Variants in TLK2 observed in about 807,000 individuals in gnomAD.
TLK2 encodes the protein serine/threonine-protein kinase tousled-like 2.
Under a neutral mutation model 117.3 loss-of-function variants are expected in TLK2, and 6 were observed. That is an observed-to-expected ratio of 0.05 (90% CI 0.03 to 0.10). The LOEUF is 0.10. Among genes scored for constraint, TLK2 ranks in the 10% least tolerant of loss-of-function variants. The pLI is 1.00. For missense variants in TLK2, 299 were observed against 901.2 expected (o/e 0.33, Z 8.56); for synonymous variants, 257 against 316.7 (o/e 0.81, Z 2.00).
intron 12 of TLK2, among the ~76,000 whole-genome samples, chr17:62,576,293 CTT>C (rs1204395804): frequency 2.0e-5 from 3 of 152,182 alleles, no homozygotes; most frequent in African/African-American, 7.2e-5. Context: ...ATATCTTTCT[CTT>C]TGTTATTACA....
At chr17:62,521,802 CT>C in intron 3 of TLK2, among the ~76,000 whole-genome samples, 1 of 152,120 alleles carries the variant, frequency 6.6e-6, no homozygotes, top group East Asian at 1.9e-4. Context: ...CTGTAGCCAC[CT>C]ACTTTGTACT....
rs9890649 is a variant in TLK2, at chr17:62,506,405, G to A, written c.82-14368G>A. Among the ~76,000 whole-genome samples the A allele has an allele frequency of 9.1e-3, 1,391 of 152,282 alleles. 11 individuals carry two copies. Among genetic ancestry groups the A allele is most frequent in the African/African-American group, 0.032 (1,310 of 41,560 alleles). On this transcript the variant is annotated intron_variant, in intron 2 of 21. Transcript: ENST00000346027. ...CTTTATAGTAAACTTGTTAACGCTT[G>A]TGCCACAGTCAAGAACCAGAACTGG...
chr17:62,519,060 T>A (rs1412074557), intron 2 of TLK2, among the ~76,000 whole-genome samples: 1 of 152,082 alleles, frequency 6.6e-6, no homozygotes, highest in Non-Finnish European at 1.5e-5. Context: ...ATTTTTTGTA[T>A]TTTTGGTAGA....
At chr17:62,549,446 CATTGTAAAAGGAGAGG>C (rs2078264062) in intron 7 of TLK2, among the ~76,000 whole-genome samples, 1 of 65,342 alleles carries the variant, frequency 1.5e-5, no homozygotes, top group African/African-American at 4.9e-5. Flanking sequence ...AATAGAAACA[CATTGTAAAAGGAGAGG>C]ATTGTAAAAG....
chr17:62,606,898 GGTA>G (rs1279289455), intron 20 of TLK2, among the ~76,000 whole-genome samples: 3 of 151,890 alleles, frequency 2.0e-5, no homozygotes, highest in Admixed American at 6.6e-5. Context: ...GTAGGCTGTG[GGTA>G]TAAGCCAGAT....
intron 10 of TLK2, 134 bp from the exon 11 acceptor site, chr17:62,564,867 T>C: frequency 8.9e-7 from 1 of 1,129,374 alleles, no homozygotes; most frequent in South Asian, 1.8e-5. Context: ...CGAGGAGTCA[T>C]TACTGACTGT....
In TLK2 at chr17:62,577,759, G is replaced by A. The variant is rs114577703; in HGVS notation, c.1189-718G>A. 5.2e-3 allele frequency among the ~76,000 whole-genome samples: 797 copies of A among 152,188 alleles called. 5 individuals are homozygous for A. Among genetic ancestry groups the A allele is most frequent in the African/African-American group, 0.018 (759 of 41,530 alleles). On this transcript the variant is annotated intron_variant, in intron 13 of 21. Coordinates refer to ENST00000346027, the MANE Select transcript of TLK2 (RefSeq NM_006852.6). ...GTTCTCAGAGCTTGTTAAATAAGTA[G>A]AACTTGCTGGGGATGGTGGCTCACA...
At chr17:62,478,552 G>A (rs1275039929), upstream of TLK2, among the ~76,000 whole-genome samples, 1 of 149,908 alleles carries the variant, frequency 6.7e-6, no homozygotes, top group Non-Finnish European at 1.5e-5. Context: ...CCCGTCAGCC[G>A]GCGCCGCCCG....
In TLK2 at chr17:62,600,810, C is replaced by T. The variant is rs377013796; in HGVS notation, c.1710C>T (p.Asp570=). The change falls in exon 18 of 22, where the codon GAC becomes GAT. Residue 570 remains aspartate (D), a synonymous_variant. Transcript: ENST00000346027. ...TAAAACCTCCCATCATACACTATGA[C>T]CTCAAACCAGGTATGTCTAACTTTT... The part of the protein sequence containing the change: ...NEIKPPIIHY[D]LKPGNILLVN... 1.7e-5 allele frequency: 27 copies of T among 1,606,180 alleles called. No homozygotes were observed. The African/African-American group carries it at 3.4e-4, about 20-fold the overall frequency.
intron 13 of TLK2, 81 bp from the exon 14 acceptor site, chr17:62,578,396 G>C: frequency 1.9e-6 from 2 of 1,069,502 alleles, no homozygotes; most frequent in Non-Finnish European, 2.9e-6. Context: ...TAAGATAAAT[G>C]TCTGCTATTG....
At chr17:62,478,254 G>C (rs1453678403), upstream of TLK2, among the ~76,000 whole-genome samples, 3 of 151,660 alleles carry the variant, frequency 2.0e-5, no homozygotes, top group African/African-American at 7.3e-5. Context: ...CATAGGATTA[G>C]CGTCCTCTAA....
Position 62,523,171 on chromosome 17 carries a change from C to T in TLK2, c.261C>T (p.Tyr87=). 1 of 1,599,764 alleles carries T rather than the reference C, an allele frequency of 6.3e-7. No homozygotes were observed. The highest frequency in any genetic ancestry group is 1.1e-5 in the South Asian group (1 of 87,568). The change falls in exon 5 of 22, where the codon TAC becomes TAT. Residue 87 remains tyrosine, a synonymous_variant. Transcript: ENST00000346027. The part of the protein sequence containing the change: ...GTPRGHKISD[Y]FEFAGGSAPG... ...CTAGGGGACATAAAATTAGTGATTA[C>T]TTTGAGGTAAGTTACATTTTTTGAA...
intron 7 of TLK2, among the ~76,000 whole-genome samples, chr17:62,540,951 A>T (rs2077484800): frequency 6.6e-6 from 1 of 152,022 alleles, no homozygotes; most frequent in South Asian, 2.1e-4. Context: ...TACCTTTCTC[A>T]TCAGATTCCA....
At chr17:62,481,258 T>G in intron 2 of TLK2, 52 bp downstream of exon 2, 7 of 1,599,854 alleles carry the variant, frequency 4.4e-6, no homozygotes, top group Non-Finnish European at 6.0e-6. Flanking sequence ...TTAAACACAT[T>G]TTTTAAATGA....
At chr17:62,534,004 A>G (rs2076943626) in intron 6 of TLK2, among the ~76,000 whole-genome samples, 2 of 152,042 alleles carry the variant, frequency 1.3e-5, no homozygotes, top group Admixed American at 1.3e-4. Context: ...TATTATATAG[A>G]TCTGTTTCTG....
At chr17:62,564,528 T>A (rs1222663501) in intron 10 of TLK2, among the ~76,000 whole-genome samples, 1 of 124,570 alleles carries the variant, frequency 8.0e-6, no homozygotes, top group African/African-American at 3.2e-5. Context: ...AGAGTGAGAC[T>A]TCGTCTCAAA....
chr17:62,542,594 TGAAAA>T (rs576089786), intron 7 of TLK2, among the ~76,000 whole-genome samples: 25 of 152,322 alleles, frequency 1.6e-4, no homozygotes, highest in East Asian at 1.5e-3. Context: ...TTCTAAGACT[TGAAAA>T]GAAGGAACAT....
intron 6 of TLK2, among the ~76,000 whole-genome samples, chr17:62,534,143 T>G (rs2076952716): frequency 6.6e-6 from 1 of 152,194 alleles, no homozygotes; most frequent in Non-Finnish European, 1.5e-5. Context: ...TCTCAAAAAT[T>G]ATGTGGCTGA....
At chr17:62,517,203 C>CGAATTTTTTAAAATTAATTATTATTA (rs1184963846) in intron 2 of TLK2, among the ~76,000 whole-genome samples, 1 of 152,052 alleles carries the variant, frequency 6.6e-6, no homozygotes, top group Non-Finnish European at 1.5e-5. Flanking sequence ...CCATGCCAGC[C>CGAATTTTTTAAAATTAATTATTATTA]TCCAGCACCA....
Sources: allele counts gnomAD v4.1 joint callset (sites outside exome capture counted in the v4.1 genomes callset), GRCh38; gene constraint gnomAD v4.1.1; transcripts MANE v1.5; gene names NCBI Gene and HGNC (gene_info 2026-07-23, HGNC 2026-07-21).